Variants in CDK14 observed in about 807,000 individuals in gnomAD.
CDK14 encodes the protein cyclin dependent kinase 14, also known as cyclin-dependent kinase 14.
Under a neutral mutation model 60.7 loss-of-function variants are expected in CDK14, and 34 were observed. That is an observed-to-expected ratio of 0.56 (90% CI 0.43 to 0.75). The LOEUF (loss-of-function observed/expected upper bound fraction) is 0.75. Ranked by LOEUF, CDK14 falls within the 30% of genes least tolerant of loss-of-function variation. The probability of loss-of-function intolerance (pLI) is 0.00; values close to 1 mark genes in which losing one functional copy is unlikely to be tolerated. For synonymous variants in CDK14, 197 were observed against 203.7 expected (o/e 0.97, Z 0.28); for missense variants, 482 against 564.1 (o/e 0.85, Z 1.47).
At chr7:90,779,557 T>G (rs991764584) in intron 4 of CDK14, among the ~76,000 whole-genome samples, 1 of 152,208 alleles carries the variant, frequency 6.6e-6, no homozygotes, top group African/African-American at 2.4e-5. Context: ...TTATCACATT[T>G]ATACCAATGC....
chr7:90,775,711 T>TCCTC (rs373509520), intron 4 of CDK14, among the ~76,000 whole-genome samples: 4 of 120,578 alleles, frequency 3.3e-5, no homozygotes, highest in Admixed American at 1.9e-4. Context: ...TCCTTTTCCT[T>TCCTC]CTCCTCCTCC....
intron 12 of CDK14, among the ~76,000 whole-genome samples, chr7:91,091,306 A>C (rs1798801917): frequency 6.9e-6 from 1 of 144,616 alleles, no homozygotes; most frequent in African/African-American, 2.6e-5. Context: ...TTATATATAC[A>C]TATATAATTT....
intron 11 of CDK14, among the ~76,000 whole-genome samples, chr7:91,077,246 C>T (rs1201417141): frequency 1.3e-5 from 2 of 152,128 alleles, no homozygotes; most frequent in Non-Finnish European, 2.9e-5. Flanking sequence ...GGAACCAACC[C>T]AAATGCCCAT....
intron 4 of CDK14, among the ~76,000 whole-genome samples, chr7:90,769,401 G>C (rs1584873330): frequency 6.6e-6 from 1 of 151,736 alleles, no homozygotes; most frequent in East Asian, 1.9e-4. Context: ...ATTAGTGACT[G>C]TAAGGATTGA....
intron 14 of CDK14, among the ~76,000 whole-genome samples, chr7:91,154,603 A>G (rs558284742): frequency 1.2e-4 from 19 of 152,278 alleles, no homozygotes; most frequent in African/African-American, 4.6e-4. Context: ...TCCATCTCAG[A>G]TGGCTGGGTT....
chr7:91,168,699 T>C (rs992839570), intron 14 of CDK14, among the ~76,000 whole-genome samples: 1 of 152,246 alleles, frequency 6.6e-6, no homozygotes, highest in African/African-American at 2.4e-5. Flanking sequence ...TATCACACTT[T>C]ATACCATCAT....
chr7:91,135,181 A>G (rs1584109892), intron 14 of CDK14, among the ~76,000 whole-genome samples: 1 of 151,978 alleles, frequency 6.6e-6, no homozygotes, highest in South Asian at 2.1e-4. Flanking sequence ...ATATGTTACC[A>G]GGGAGGAACA....
intron 2 of CDK14, among the ~76,000 whole-genome samples, chr7:90,717,591 A>G (rs1336248162): frequency 6.6e-6 from 1 of 152,142 alleles, no homozygotes; most frequent in Admixed American, 6.6e-5. Flanking sequence ...TAAGCATTTT[A>G]AAACTAAATC....
intron 11 of CDK14, among the ~76,000 whole-genome samples, chr7:91,058,633 A>C (rs570090670): frequency 2.0e-5 from 3 of 152,208 alleles, no homozygotes; most frequent in African/African-American, 7.2e-5. Context: ...AATTTTGTCA[A>C]AGGCTTTTTC....
At chr7:91,014,399 A>G (rs1584232499) in intron 10 of CDK14, among the ~76,000 whole-genome samples, 1 of 152,296 alleles carries the variant, frequency 6.6e-6, no homozygotes, top group African/African-American at 2.4e-5. Context: ...AGAATTTGAT[A>G]TTACTTTGTG....
intron 5 of CDK14, among the ~76,000 whole-genome samples, chr7:90,814,225 C>T (rs73707894): frequency 0.015 from 2,331 of 151,200 alleles, 49 homozygotes; most frequent in African/African-American, 0.052. Context: ...AGATAGAAAT[C>T]GTGGGTAAAT....
chr7:90,604,075 A>G lies in CDK14; in HGVS notation c.92-143A>G. 3 of 583,360 alleles carry G rather than the reference A, an allele frequency of 5.1e-6. No homozygotes were observed. In the East Asian group the frequency reaches 9.6e-5, roughly 19 times the overall value. 36.1% of individuals were successfully genotyped at this position (583,360 alleles called of 1,614,324 possible). A position where few individuals can be genotyped will look rare whatever the true frequency, so the allele number is the denominator to read the frequency against. On this transcript the variant is annotated intron_variant, in intron 1 of 14. Coordinates refer to ENST00000380050, the MANE Select transcript of CDK14 (RefSeq NM_001287135.2). Reference sequence around the variant, plus strand: ...CATTTGCAGTTTTCATATTTGTATCATAACATTGTTATTCAGGTTGGGGTA... The same window carrying G: ...CATTTGCAGTTTTCATATTTGTATCGTAACATTGTTATTCAGGTTGGGGTA...
intron 4 of CDK14, among the ~76,000 whole-genome samples, chr7:90,758,000 T>C (rs917700072): frequency 6.6e-6 from 1 of 152,240 alleles, no homozygotes; most frequent in Non-Finnish European, 1.5e-5. Flanking sequence ...TTGATTCTTT[T>C]GGATCTCTTA....
intron 5 of CDK14, among the ~76,000 whole-genome samples, chr7:90,823,359 G>A (rs1789615552): frequency 6.6e-6 from 1 of 152,126 alleles, no homozygotes; most frequent in African/African-American, 2.4e-5. Context: ...GACAATTTCT[G>A]TTTTGAAAAA....
At chr7:90,821,012 A>T (rs1022614774) in intron 5 of CDK14, among the ~76,000 whole-genome samples, 1 of 152,166 alleles carries the variant, frequency 6.6e-6, no homozygotes, top group Non-Finnish European at 1.5e-5. Flanking sequence ...CTACCACTTC[A>T]TCATCTGCTT....
intron 2 of CDK14, among the ~76,000 whole-genome samples, chr7:90,642,588 C>T (rs1195706855): frequency 6.6e-6 from 1 of 151,876 alleles, no homozygotes; most frequent in East Asian, 1.9e-4. Flanking sequence ...CCATGTTGGC[C>T]AGGCTGATAT....
chr7:90,732,606 A>G (rs1802914168), intron 3 of CDK14, among the ~76,000 whole-genome samples: 1 of 152,154 alleles, frequency 6.6e-6, no homozygotes, highest in Admixed American at 6.5e-5. Flanking sequence ...CATTTCTTCT[A>G]GATTTTTTAG....
At chr7:91,009,251 C>T (rs575567884) in intron 10 of CDK14, among the ~76,000 whole-genome samples, 105 of 152,172 alleles carry the variant, frequency 6.9e-4, no homozygotes, top group Admixed American at 2.1e-3. Context: ...ATATTTCACA[C>T]ATTTTTTAAA....
At chr7:91,023,834 T>A (rs991505420) in intron 10 of CDK14, among the ~76,000 whole-genome samples, 1 of 152,094 alleles carries the variant, frequency 6.6e-6, no homozygotes, top group Non-Finnish European at 1.5e-5. Context: ...GTGCAATGGC[T>A]CGATCTTAGC....
Sources: allele counts gnomAD v4.1 joint callset (sites outside exome capture counted in the v4.1 genomes callset), GRCh38; gene constraint gnomAD v4.1.1; transcripts MANE v1.5; gene names NCBI Gene and HGNC (gene_info 2026-07-23, HGNC 2026-07-21).